WIPF3: variants seen among roughly 807,000 people sequenced by gnomAD.
WIPF3 encodes WAS/WASL interacting protein family member 3.
Under a neutral mutation model 38.9 loss-of-function variants are expected in WIPF3, and 33 were observed. That is an observed-to-expected ratio of 0.85 (90% CI 0.64 to 1.14). The LOEUF is 1.14. WIPF3 is among the 50% of genes most tolerant of loss of function. The pLI, the probability that WIPF3 is intolerant of heterozygous loss-of-function variation, is 0.00. For missense variants in WIPF3, 711 were observed against 652.5 expected, an observed-to-expected ratio of 1.09 and a Z score of -0.98; for synonymous variants, 324 against 269.3, an observed-to-expected ratio of 1.20 and a Z score of -1.99.
At position 29,823,876 on chromosome 7, in the gene WIPF3, C is replaced by A. The variant is rs1000395097; in HGVS notation, c.-57-10792C>A. Reference sequence around the variant, plus strand: ...CACTTTGCCTTCTGCCATGAGTAAACGTTCCCTGAGGCCTCCCCAGAAGCA... The same window carrying A: ...CACTTTGCCTTCTGCCATGAGTAAAAGTTCCCTGAGGCCTCCCCAGAAGCA... On this transcript the variant is annotated intron_variant, in intron 1 of 8. Coordinates refer to ENST00000242140, the MANE Select transcript of WIPF3 (RefSeq NM_001080529.3). The surrounding 1 kb of genome is among the most constrained non-coding windows in gnomAD (Gnocchi z 4.0). 6.6e-6 allele frequency among the ~76,000 whole-genome samples: 1 copy of A among 152,196 alleles called. No homozygotes were observed. Among genetic ancestry groups the A allele is most frequent in the Non-Finnish European group, 1.5e-5 (1 of 68,044 alleles).
rs1252220242 is a variant in WIPF3 at position 29,889,170 on chromosome 7, T to C, written c.1250-136T>C. 2.1e-5 allele frequency: 14 copies of C among 681,516 alleles called. No individual in the cohort carries two copies. The Admixed American group carries it at 3.3e-4, about 16-fold the overall frequency. The allele number at this position is 681,516 out of a possible 1,614,324, so 42.2% of individuals were successfully genotyped here. A position where few individuals can be genotyped will look rare whatever the true frequency, so the allele number is the denominator to read the frequency against. On this transcript the variant is annotated intron_variant, in intron 6 of 8. Coordinates refer to ENST00000242140, the MANE Select transcript of WIPF3 (RefSeq NM_001080529.3). ...GATGTCTTAGGGAGAATGGCCCTGT[T>C]GTTAAAATCCTTGCACTGAGCAGGC...
chr7:29,830,290 G>T (rs1679105128), intron 1 of WIPF3, among the ~76,000 whole-genome samples: 3 of 151,430 alleles, frequency 2.0e-5, no homozygotes, highest in Non-Finnish European at 4.4e-5. Context: ...GCAAGCAGAA[G>T]AATTACAGCC....
intron 5 of WIPF3, among the ~76,000 whole-genome samples, chr7:29,886,242 C>G (rs1389500698): frequency 6.6e-6 from 1 of 150,536 alleles, no homozygotes; most frequent in Non-Finnish European, 1.5e-5. Flanking sequence ...TTTAATCATT[C>G]TCTTTTCAAT....
At position 29,844,195 on chromosome 7, in the gene WIPF3, TGG is replaced by T. The variant is rs1008890736; in HGVS notation, c.90+9382_90+9383del. On this transcript the variant is annotated intron_variant, in intron 2 of 8. Transcript: ENST00000242140. The surrounding 1 kb of genome is among the most constrained non-coding windows in gnomAD (Gnocchi z 4.8). ...ACGTGTCATCACTGGGTATCTGGGGTGGAAAAGGGTTGGGTGATTTTTATTTT... is the reference window on the plus strand; with the variant it reads ...ACGTGTCATCACTGGGTATCTGGGGTAAAAGGGTTGGGTGATTTTTATTTT... 6.6e-5 allele frequency among the ~76,000 whole-genome samples: 10 copies of T among 152,132 alleles called. No homozygotes were observed. Among genetic ancestry groups the T allele is most frequent in the African/African-American group, 2.4e-4 (10 of 41,450 alleles).
At chr7:29,888,506 TGTGC>T (rs796621189) in intron 6 of WIPF3, among the ~76,000 whole-genome samples, 7 of 133,940 alleles carry the variant, frequency 5.2e-5, no homozygotes, top group South Asian at 2.3e-4. Context: ...TGTGCGTGTG[TGTGC>T]GTGTGTGTGT....
Position 29,847,645 on chromosome 7 carries a change from G to A in WIPF3, c.90+12831G>A, listed in dbSNP as rs184655307. Among the ~76,000 whole-genome samples, 10 of 152,264 alleles carry A rather than the reference G, an allele frequency of 6.6e-5. No homozygotes were observed. In the East Asian group the frequency reaches 1.9e-3, roughly 29 times the overall value. ...AAGGTGTGTCTGTCTAGACTCCTTC[G>A]GCCTCCCTGAGCTGCATTCCTTCCT... On this transcript the variant is annotated intron_variant, in intron 2 of 8. Transcript: ENST00000242140.
In WIPF3 at chr7:29,881,958, C is replaced by T. The variant is rs75194539; in HGVS notation, c.356-1892C>T. Among the ~76,000 whole-genome samples the T allele has an allele frequency of 4.7e-3, 710 of 152,302 alleles. 2 individuals carry two copies. Among genetic ancestry groups the T allele is most frequent in the Non-Finnish European group, 7.6e-3 (517 of 68,022 alleles). ...CCTCCCTTACTTCCTTCAACTCCCT[C>T]GGAGCTCTCTGTCGGCCCAGGCCTG... is the stretch of plus-strand genomic sequence containing the variant. On this transcript the variant is annotated intron_variant, in intron 4 of 8. Transcript: ENST00000242140.
intron 8 of WIPF3, among the ~76,000 whole-genome samples, chr7:29,913,181 T>C (rs572817679): frequency 5.9e-5 from 9 of 152,172 alleles, no homozygotes; most frequent in Non-Finnish European, 4.4e-5. Context: ...ACCCCATCTC[T>C]ACTAAAAATA....
intron 2 of WIPF3, among the ~76,000 whole-genome samples, chr7:29,843,498 CA>C (rs1784950747): frequency 6.6e-6 from 1 of 152,144 alleles, no homozygotes; most frequent in South Asian, 2.1e-4. Flanking sequence ...AGGAAGGTGA[CA>C]GGGGGTACAA....
intron 7 of WIPF3, 112 bp downstream of exon 7, chr7:29,889,519 G>C: frequency 1.3e-6 from 1 of 785,464 alleles, no homozygotes; most frequent in Non-Finnish European, 2.2e-6. Flanking sequence ...TGATTTCACT[G>C]TACCACTGCA....
chr7:29,845,541 T>C (rs549482144), intron 2 of WIPF3, among the ~76,000 whole-genome samples: 122 of 152,386 alleles, frequency 8.0e-4, no homozygotes, highest in Non-Finnish European at 6.6e-4. Flanking sequence ...GTACCATATG[T>C]TGCCTCTTCA....
intron 1 of WIPF3, among the ~76,000 whole-genome samples, chr7:29,818,969 C>T (rs1418399394): frequency 1.3e-5 from 2 of 152,066 alleles, no homozygotes; most frequent in Non-Finnish European, 2.9e-5. Context: ...ACTTGGTTGG[C>T]GTGTATTATT....
At position 29,915,189 on chromosome 7, in the gene WIPF3, T is replaced by C. The variant is rs1363806480; in HGVS notation, c.*673T>C. ...CCAACCACAGGGCCCCTTTTGTAAC[T>C]GAATAATCCTCCAAGTAGCCAGTGC... is the stretch of plus-strand genomic sequence containing the variant. On this transcript the variant is annotated 3_prime_UTR_variant, in exon 9 of 9. Coordinates refer to ENST00000242140, the MANE Select transcript of WIPF3 (RefSeq NM_001080529.3). The C allele has an allele frequency of 7.0e-6, 1 of 143,802 alleles. No homozygotes were observed. The highest frequency in any genetic ancestry group is 7.3e-5 in the Admixed American group (1 of 13,736). 8.9% of individuals were successfully genotyped at this position (143,802 alleles called of 1,614,324 possible).
intron 8 of WIPF3, among the ~76,000 whole-genome samples, chr7:29,909,113 T>C (rs1474348065): frequency 6.6e-6 from 1 of 151,992 alleles, no homozygotes; most frequent in East Asian, 1.9e-4. Context: ...GAAATGAACA[T>C]ACAACATACC....
Position 29,844,252 on chromosome 7 carries a change from A to T in WIPF3, c.90+9438A>T, listed in dbSNP as rs934825757. 6.6e-6 allele frequency among the ~76,000 whole-genome samples: 1 copy of T among 152,142 alleles called. No homozygotes were observed. The highest frequency in any genetic ancestry group is 2.4e-5 in the African/African-American group (1 of 41,438). On this transcript the variant is annotated intron_variant, in intron 2 of 8. Transcript: ENST00000242140. This position sits in a 1 kb window ranked among gnomAD's most constrained non-coding sequence, Gnocchi z 4.8. ...TTTTTGTGAGTCTGCGTCTCCTCAG[A>T]TGTCTACATGGAACATTTGTTTCTT... is the stretch of plus-strand genomic sequence containing the variant.
chr7:29,830,193 G>A (rs1784695292), intron 1 of WIPF3, among the ~76,000 whole-genome samples: 1 of 151,734 alleles, frequency 6.6e-6, no homozygotes, highest in East Asian at 1.9e-4. Flanking sequence ...TGACTTCAGC[G>A]AGGCAGCATC....
chr7:29,884,370 GCCGCCC>G lies in WIPF3; in HGVS notation c.881_886del (p.Pro294_Pro295del). On this transcript the variant is annotated inframe_deletion, in exon 5 of 9. Coordinates refer to ENST00000242140, the MANE Select transcript of WIPF3 (RefSeq NM_001080529.3). ...AAGATGCGCAGGAGCCTCCCGCCCC[GCCGCCC>G]CCGCTCCCCCCTTATGCTTCTTGCT... The G allele has an allele frequency of 2.7e-6, 1 of 374,142 alleles. No homozygotes were observed. Among genetic ancestry groups the G allele is most frequent in the Non-Finnish European group, 3.5e-6 (1 of 284,446 alleles). The allele number at this position is 374,142 out of a possible 1,614,324, so 23.2% of individuals were successfully genotyped here. A position where few individuals can be genotyped will look rare whatever the true frequency, so the allele number is the denominator to read the frequency against.
Position 29,844,943 on chromosome 7 carries a change from A to G in WIPF3, c.90+10129A>G, listed in dbSNP as rs1439846256. Among the ~76,000 whole-genome samples, 2 of 151,948 alleles carry G rather than the reference A, an allele frequency of 1.3e-5. No individual in the cohort carries two copies. Among genetic ancestry groups the G allele is most frequent in the Non-Finnish European group, 2.9e-5 (2 of 68,000 alleles). ...TTCTACTTCTCTCAATCTAAAAGCC[A>G]GGAAGTCAATGGATTCGGCTCCCCA... On this transcript the variant is annotated intron_variant, in intron 2 of 8. Transcript: ENST00000242140. This position sits in a 1 kb window ranked among gnomAD's most constrained non-coding sequence, Gnocchi z 4.8.
At chr7:29,857,075 A>T (rs1785197429) in intron 2 of WIPF3, among the ~76,000 whole-genome samples, 6 of 152,270 alleles carry the variant, frequency 3.9e-5, no homozygotes, top group Admixed American at 3.9e-4. Context: ...GAACTGAGTG[A>T]TAAGAGACCT....
Sources: allele counts gnomAD v4.1 joint callset (sites outside exome capture counted in the v4.1 genomes callset), GRCh38; gene constraint gnomAD v4.1.1; non-coding constraint Gnocchi (gnomAD v3.1); transcripts MANE v1.5; gene names NCBI Gene and HGNC (gene_info 2026-07-23, HGNC 2026-07-21).